Variants in PDE4D observed in about 807,000 individuals in gnomAD.
PDE4D encodes the protein phosphodiesterase 4D, also known as 3',5'-cyclic-AMP phosphodiesterase 4D.
In PDE4D, 24 loss-of-function variants were observed where a neutral mutation model predicts 87.4. The observed-to-expected ratio is 0.27, with a 90% CI of 0.20 to 0.39. PDE4D has a LOEUF of 0.39. Among genes scored for constraint, PDE4D ranks in the 10% least tolerant of loss-of-function variants. The pLI is 1.00. For missense variants in PDE4D, 714 were observed against 1,041.0 expected, an observed-to-expected ratio of 0.69 and a Z score of 4.32; for synonymous variants, 384 against 383.2, an observed-to-expected ratio of 1.00 and a Z score of -0.02.
At chr5:59,584,087 C>A (rs116690815) in intron 1 of PDE4D, among the ~76,000 whole-genome samples, 1 of 152,132 alleles carries the variant, frequency 6.6e-6, no homozygotes, top group Admixed American at 6.5e-5. Context: ...AGCAATTTGG[C>A]GAGACCTTTA....
chr5:59,948,419 T>C (rs1479642911), intron 3 of PDE4D, among the ~76,000 whole-genome samples: 1 of 152,180 alleles, frequency 6.6e-6, no homozygotes, highest in Non-Finnish European at 1.5e-5. Flanking sequence ...AGTAGAAAAT[T>C]GTATGATTTT....
At chr5:59,491,094 T>C (rs902777643) in intron 1 of PDE4D, among the ~76,000 whole-genome samples, 21 of 152,226 alleles carry the variant, frequency 1.4e-4, no homozygotes, top group Non-Finnish European at 2.1e-4. Context: ...TTTAAAATGA[T>C]ATGAAGCAAA....
chr5:59,576,872 C>T (rs959597587), intron 1 of PDE4D, among the ~76,000 whole-genome samples: 2 of 152,110 alleles, frequency 1.3e-5, no homozygotes, highest in Non-Finnish European at 2.9e-5. Flanking sequence ...AATTAACACA[C>T]CCAAAGGTTT....
At chr5:59,845,014 C>T (rs886114135) in intron 1 of PDE4D, among the ~76,000 whole-genome samples, 1 of 152,054 alleles carries the variant, frequency 6.6e-6, no homozygotes, top group African/African-American at 2.4e-5. Context: ...GGGCTGAGAG[C>T]TGCCCCAGGC....
chr5:59,990,452 G>C (rs761761413), intron 2 of PDE4D, among the ~76,000 whole-genome samples: 104 of 152,060 alleles, frequency 6.8e-4, no homozygotes, highest in Non-Finnish European at 4.6e-4. Context: ...AAAAGGATGT[G>C]AGATGGTGGA....
chr5:59,274,227 A>G (rs1459424379), intron 1 of PDE4D, among the ~76,000 whole-genome samples: 1 of 152,122 alleles, frequency 6.6e-6, no homozygotes, highest in Non-Finnish European at 1.5e-5. Flanking sequence ...TTATTTTGTA[A>G]GAAATGGCAA....
At chr5:59,584,171 G>T (rs1457674057) in intron 1 of PDE4D, among the ~76,000 whole-genome samples, 1 of 151,930 alleles carries the variant, frequency 6.6e-6, no homozygotes, top group Admixed American at 6.6e-5. Flanking sequence ...AGGGAAAGAG[G>T]GTTTTCTGTC....
intron 2 of PDE4D, among the ~76,000 whole-genome samples, chr5:60,037,456 C>T (rs1013315325): frequency 3.3e-5 from 5 of 152,160 alleles, no homozygotes; most frequent in Non-Finnish European, 5.9e-5. Context: ...TATTGACTCT[C>T]ACTAATACAT....
chr5:60,110,817 A>C (rs1017300227), intron 2 of PDE4D, among the ~76,000 whole-genome samples: 1 of 152,182 alleles, frequency 6.6e-6, no homozygotes, highest in Non-Finnish European at 1.5e-5. Flanking sequence ...AATACTATTC[A>C]GCCACAAAAA....
At chr5:60,007,523 C>T (rs1020553731) in intron 2 of PDE4D, among the ~76,000 whole-genome samples, 1 of 151,866 alleles carries the variant, frequency 6.6e-6, no homozygotes, top group Non-Finnish European at 1.5e-5. Context: ...CTGTCCATAC[C>T]ATAAATAAAT....
At chr5:60,398,111 T>C (rs951685312) in intron 1 of PDE4D, among the ~76,000 whole-genome samples, 9 of 152,182 alleles carry the variant, frequency 5.9e-5, no homozygotes, top group African/African-American at 1.9e-4. Flanking sequence ...TAATCTTCTA[T>C]GGTTGAATGC....
chr5:59,258,550 T>C (rs1260308707), intron 1 of PDE4D, among the ~76,000 whole-genome samples: 12 of 151,634 alleles, frequency 7.9e-5, no homozygotes, highest in Non-Finnish European at 1.8e-4. Context: ...ATTTTATATA[T>C]AAAAGTATAT....
chr5:59,805,189 C>G (rs1021008514), intron 1 of PDE4D, among the ~76,000 whole-genome samples: 2 of 152,174 alleles, frequency 1.3e-5, no homozygotes, highest in African/African-American at 4.8e-5. Context: ...GAAAATAAAA[C>G]AGATTGATTT....
intron 2 of PDE4D, among the ~76,000 whole-genome samples, chr5:60,108,517 T>C (rs1777296765): frequency 3.3e-5 from 5 of 152,130 alleles, no homozygotes; most frequent in Admixed American, 2.0e-4. Context: ...TACTGTAAAG[T>C]TCATATGGAA....
intron 1 of PDE4D, among the ~76,000 whole-genome samples, chr5:59,686,080 G>C (rs1013829131): frequency 1.3e-5 from 2 of 152,086 alleles, no homozygotes; most frequent in Non-Finnish European, 2.9e-5. Context: ...TTTTGTTTAT[G>C]ACACAACAGG....
intron 1 of PDE4D, among the ~76,000 whole-genome samples, chr5:59,291,235 T>C (rs1416022334): frequency 6.6e-6 from 1 of 152,204 alleles, no homozygotes; most frequent in African/African-American, 2.4e-5. Flanking sequence ...ATATATAATG[T>C]AGTACTATTT....
upstream of PDE4D, among the ~76,000 whole-genome samples, chr5:59,897,641 C>G (rs1751802589): frequency 6.6e-6 from 1 of 151,938 alleles, no homozygotes; most frequent in African/African-American, 2.4e-5. Context: ...GTAATGTTCC[C>G]CTCCCTGTGT....
At chr5:58,996,876 T>C (rs1580178198) in intron 6 of PDE4D, among the ~76,000 whole-genome samples, 1 of 152,288 alleles carries the variant, frequency 6.6e-6, no homozygotes, top group East Asian at 1.9e-4. Context: ...ACAGACTAGA[T>C]AAGTGACATC....
At chr5:60,197,065 A>ATAGACAGT (rs1741316971) in intron 1 of PDE4D, among the ~76,000 whole-genome samples, 9 of 104,030 alleles carry the variant, frequency 8.7e-5, no homozygotes, top group Non-Finnish European at 1.6e-4. Flanking sequence ...AGATAGATAG[A>ATAGACAGT]TAGATAGACA....
Sources: allele counts gnomAD v4.1 joint callset (sites outside exome capture counted in the v4.1 genomes callset), GRCh38; gene constraint gnomAD v4.1.1; transcripts MANE v1.5; gene names NCBI Gene and HGNC (gene_info 2026-07-23, HGNC 2026-07-21).